Variants in FURIN observed in about 807,000 individuals in gnomAD.
FURIN encodes the protein FES upstream region.
FURIN carries 18 observed loss-of-function variants against 89.2 expected under a neutral mutation model. The observed-to-expected ratio is 0.20, with a 90% CI of 0.14 to 0.30. FURIN has a LOEUF of 0.30. FURIN is among the 10% of genes least tolerant of loss of function. The pLI is 1.00. For synonymous variants in FURIN, 508 were observed against 466.4 expected (o/e 1.09, Z -1.15); for missense variants, 879 against 1,100.5 (o/e 0.80, Z 2.85).
chr15:90,883,057 C>T lies in FURIN; in HGVS notation c.*1179C>T, dbSNP rs565051401. 5.9e-5 allele frequency: 9 copies of T among 152,744 alleles called. No individual in the cohort carries two copies. Among genetic ancestry groups the T allele is most frequent in the African/African-American group, 2.2e-4 (9 of 41,574 alleles). The allele number at this position is 152,744 out of a possible 1,614,324, so 9.5% of individuals were successfully genotyped here. ...GCCGGGGGTTCATAGGTCACTGGCT[C>T]TCCAAGTGCCAGAGGTGGGCAGGTG... On this transcript the variant is annotated 3_prime_UTR_variant, in exon 16 of 16. Coordinates refer to ENST00000268171, the MANE Select transcript of FURIN (RefSeq NM_002569.4).
Position 90,876,394 on chromosome 15 carries a change from C to G in FURIN, c.276+41C>G, listed in dbSNP as rs1454322191. The G allele has an allele frequency of 3.3e-6, 5 of 1,521,578 alleles. No homozygotes were observed. In the Admixed American group the frequency reaches 6.7e-5, roughly 20 times the overall value. The allele number at this position is 1,521,578 out of a possible 1,614,324, so 94.3% of individuals were successfully genotyped here. A position where few individuals can be genotyped will look rare whatever the true frequency, so the allele number is the denominator to read the frequency against. ...GCCCCCTCCTGCTGCCACCCTCCCC[C>G]TCCTGCTCTCAGGAGCCCCTCTCGC... On this transcript the variant is annotated intron_variant, in intron 3 of 15. Transcript: ENST00000268171. This position sits in a 1 kb window ranked among gnomAD's most constrained non-coding sequence, Gnocchi z 5.0.
chr15:90,875,072 C>T (rs1303562562), intron 1 of FURIN, among the ~76,000 whole-genome samples: 6 of 132,812 alleles, frequency 4.5e-5, no homozygotes, highest in South Asian at 2.3e-4. Context: ...ATCGTTCTGT[C>T]GCACAGACTG....
Position 90,880,122 on chromosome 15 carries a change from A to G in FURIN, c.1405A>G (p.Lys469Glu). The change falls in exon 13 of 16, where the codon AAG becomes GAG. Residue 469 changes from lysine (K) to glutamate (E), a missense_variant. Transcript: ENST00000268171. ...CATCGGGAAACGGCTCGAGGTGCGG[A>G]AGACCGTGACCGCGTGCCTGGGCGA... ...KDIGKRLEVR[K>E]TVTACLGEPN... The G allele has an allele frequency of 6.2e-7, 1 of 1,608,322 alleles. No homozygotes were observed. The highest frequency in any genetic ancestry group is 8.5e-7 in the Non-Finnish European group (1 of 1,176,574).
chr15:90,872,251 C>G (rs537410117), intron 1 of FURIN, among the ~76,000 whole-genome samples: 1 of 152,032 alleles, frequency 6.6e-6, no homozygotes, highest in Non-Finnish European at 1.5e-5. Flanking sequence ...TGCCTTCTGC[C>G]GCGGCCTGGC....
In FURIN at chr15:90,881,148, C is replaced by G; in HGVS notation, c.1792+108C>G. On this transcript the variant is annotated intron_variant, in intron 15 of 15. Coordinates refer to ENST00000268171, the MANE Select transcript of FURIN (RefSeq NM_002569.4). This position sits in a 1 kb window ranked among gnomAD's most constrained non-coding sequence, Gnocchi z 4.3. Reference sequence around the variant, plus strand: ...AAAAAAGTCTCAAGAGACCTAGGGCCCCTGGGGCTCTTGGGATGACCACAG... The same window carrying G: ...AAAAAAGTCTCAAGAGACCTAGGGCGCCTGGGGCTCTTGGGATGACCACAG... 1.2e-5 allele frequency: 13 copies of G among 1,094,326 alleles called. No homozygotes were observed. The highest frequency in any genetic ancestry group is 1.8e-5 in the Non-Finnish European group (13 of 732,948). The allele number at this position is 1,094,326 out of a possible 1,614,324, so 67.8% of individuals were successfully genotyped here.
At chr15:90,869,325 T>G (rs985192896) in intron 1 of FURIN, among the ~76,000 whole-genome samples, 2 of 152,052 alleles carry the variant, frequency 1.3e-5, no homozygotes, top group African/African-American at 4.8e-5. Context: ...CCAGGGCCAG[T>G]TGAGAGTGAT....
Position 90,881,801 on chromosome 15 carries a change from G to A in FURIN, c.2308G>A (p.Glu770Lys). The stretch of plus-strand genomic sequence containing the variant: ...GCTGCCCCCTGAAGCCTGGCAGGAG[G>A]AGTGCCCGTCTGACTCAGAAGAGGA... ...KGLPPEAWQEECPSDSEEDEG... is the reference protein window; with the variant it reads ...KGLPPEAWQEKCPSDSEEDEG... The change falls in exon 16 of 16, where the codon GAG becomes AAG. Residue 770 changes from glutamate (E) to lysine (K), a missense_variant. Glu to Lys is a moderately conservative substitution (Grantham distance 56, BLOSUM62 1). This residue lies in a region of FURIN where 457 missense variants were observed against 490.7 expected (regional missense o/e 0.93). Coordinates refer to ENST00000268171, the MANE Select transcript of FURIN (RefSeq NM_002569.4). This position sits in a 1 kb window ranked among gnomAD's most constrained non-coding sequence, Gnocchi z 4.3. The A allele has an allele frequency of 6.2e-7, 1 of 1,613,638 alleles. No individual in the cohort carries two copies.
chr15:90,876,640 C>A lies in FURIN; in HGVS notation c.372+83C>A. On this transcript the variant is annotated intron_variant, in intron 4 of 15. Transcript: ENST00000268171. This position sits in a 1 kb window ranked among gnomAD's most constrained non-coding sequence, Gnocchi z 5.0. ...TGAGCTCTTGGATGGAGGAGGCTGT[C>A]TTCGAGGCCTCCTCTGATTCGTTTC... 1 of 940,300 alleles carries A rather than the reference C, an allele frequency of 1.1e-6. No homozygotes were observed. The highest frequency in any genetic ancestry group is 1.7e-6 in the Non-Finnish European group (1 of 581,736). 58.2% of individuals were successfully genotyped at this position (940,300 alleles called of 1,614,324 possible). A position where few individuals can be genotyped will look rare whatever the true frequency, so the allele number is the denominator to read the frequency against.
chr15:90,870,770 GAT>G (rs2031247315), intron 1 of FURIN, among the ~76,000 whole-genome samples: 3 of 152,164 alleles, frequency 2.0e-5, no homozygotes, highest in African/African-American at 4.8e-5. Context: ...TCTCTTGCAG[GAT>G]CTGAGGTCTG....
At chr15:90,872,021 GCCGGGTGCTCCAGCCTCCCCGCCGCCA>G (rs2031336522) in intron 1 of FURIN, among the ~76,000 whole-genome samples, 1 of 151,334 alleles carries the variant, frequency 6.6e-6, no homozygotes, top group Non-Finnish European at 1.5e-5. Context: ...TTCCGCAGGC[GCCGGGTGCTCCAGCCTCCCCGCCGCCA>G]CCGGGGCTGC....
Position 90,876,881 on chromosome 15 carries a change from T to C in FURIN, c.373-15T>C, listed in dbSNP as rs1156256598. 1 of 1,613,416 alleles carries C rather than the reference T, an allele frequency of 6.2e-7. No homozygotes were observed. The highest frequency in any genetic ancestry group is 8.5e-7 in the Non-Finnish European group (1 of 1,179,560). On this transcript the variant is annotated splice_polypyrimidine_tract_variant and intron_variant, in intron 4 of 15. Transcript: ENST00000268171. The surrounding 1 kb of genome is among the most constrained non-coding windows in gnomAD (Gnocchi z 5.0). ...CAATCATGTCTCATAAGTGATGGGG[T>C]GGGTGTCTCCACAGTCTGGTGTCAC...
At chr15:90,875,535 G>T (rs1332848358) in intron 1 of FURIN, 47 bp from the exon 2 acceptor site, 11 of 503,706 alleles carry the variant, frequency 2.2e-5, no homozygotes, top group Non-Finnish European at 3.5e-5. Context: ...TGCGTAGCAG[G>T]GGAGGAACTG....
At position 90,876,255 on chromosome 15, in the gene FURIN, A is replaced by C; in HGVS notation, c.178A>C (p.Ile60Leu). Residue 60 changes from isoleucine to leucine, a missense_variant and splice_region_variant, in exon 3 of 16, where the codon ATC becomes CTC. Around this residue, in one of 5 missense-constraint regions of FURIN, gnomAD observed 125 missense variants for 125.0 expected, o/e 1.00. Coordinates refer to ENST00000268171, the MANE Select transcript of FURIN (RefSeq NM_002569.4). This position sits in a 1 kb window ranked among gnomAD's most constrained non-coding sequence, Gnocchi z 5.0. ...GCTCAGTCTCCCTGCTCTATTGCAG[A>C]TCTTCGGGGACTATTACCACTTCTG... ...RKHGFLNLGQIFGDYYHFWHR... is the reference protein window; with the variant it reads ...RKHGFLNLGQLFGDYYHFWHR... 2.5e-6 allele frequency: 4 copies of C among 1,597,582 alleles called. No individual in the cohort carries two copies. The highest frequency in any genetic ancestry group is 3.4e-6 in the Non-Finnish European group (4 of 1,165,260).
At chr15:90,880,622 C>T (rs2031906459) in intron 13 of FURIN, 69 bp from the exon 14 acceptor site, 3 of 1,530,450 alleles carry the variant, frequency 2.0e-6, no homozygotes, top group South Asian at 2.5e-5. Flanking sequence ...GGCCCATGTG[C>T]TGTGGGTTAG....
At chr15:90,879,608 G>A (rs912643652) in intron 10 of FURIN, 63 bp from the exon 11 acceptor site, 14 of 1,570,888 alleles carry the variant, frequency 8.9e-6, no homozygotes, top group Non-Finnish European at 1.1e-5. Context: ...GCAGCCCTTA[G>A]GGCAGCTGGA....
chr15:90,869,424 G>A (rs2031183896), intron 1 of FURIN, among the ~76,000 whole-genome samples: 1 of 152,184 alleles, frequency 6.6e-6, no homozygotes, highest in Non-Finnish European at 1.5e-5. Flanking sequence ...TTTTTCCAGA[G>A]AAGTCTCACA....
In FURIN at chr15:90,879,925, G is replaced by T; in HGVS notation, c.1317G>T (p.Gln439His). 6.2e-7 allele frequency: 1 copy of T among 1,613,386 alleles called. No homozygotes were observed. The highest frequency in any genetic ancestry group is 8.5e-7 in the Non-Finnish European group (1 of 1,180,018). Residue 439 changes from glutamine (Q) to histidine (H), a missense_variant, in exon 12 of 16, where the codon CAG (glutamine) becomes CAT (histidine). This residue lies in a region of FURIN where 156 missense variants were observed against 243.7 expected (regional missense o/e 0.64). Transcript: ENST00000268171. ...CAGGCGCCATGGTGGCCCTGGCCCAGAATTGGACCACAGTGGCCCCCCAGC... is the reference window on the plus strand; with the variant it reads ...CAGGCGCCATGGTGGCCCTGGCCCATAATTGGACCACAGTGGCCCCCCAGC... ...LDAGAMVALAQNWTTVAPQRK... is the reference protein window; with the variant it reads ...LDAGAMVALAHNWTTVAPQRK...
intron 9 of FURIN, 33 bp from the exon 10 acceptor site, chr15:90,879,411 T>C: frequency 6.7e-7 from 1 of 1,501,674 alleles, no homozygotes. Flanking sequence ...CCTCCACCCA[T>C]CACAGGCCCC....
intron 1 of FURIN, among the ~76,000 whole-genome samples, chr15:90,875,085 A>C (rs936699771): frequency 2.2e-5 from 3 of 139,262 alleles, no homozygotes; most frequent in African/African-American, 8.4e-5. Flanking sequence ...ACAGACTGGG[A>C]ATGCAGTGGC....
Sources: gnomAD v4.1 joint callset for allele counts (sites outside exome capture counted in the v4.1 genomes callset) on GRCh38, gnomAD v4.1.1 for gene constraint, gnomAD v4.1.1 regional missense constraint, Gnocchi (gnomAD v3.1) non-coding constraint, MANE v1.5 for transcripts, NCBI Gene and HGNC (gene_info 2026-07-23, HGNC 2026-07-21) for gene names.